ADAMTS12: variants seen among roughly 807,000 people sequenced by gnomAD.
The protein encoded by ADAMTS12 is ADAM metallopeptidase with thrombospondin type 1 motif 12.
In ADAMTS12, 118 loss-of-function variants were observed where a neutral mutation model predicts 167.8. The observed-to-expected ratio is 0.70, with a 90% confidence interval of 0.61 to 0.82. The LOEUF is 0.82. ADAMTS12 is among the 40% of genes least tolerant of loss of function. The pLI, the probability that ADAMTS12 is intolerant of heterozygous loss-of-function variation, is 0.00. For synonymous variants in ADAMTS12, 704 were observed against 716.9 expected (o/e 0.98, Z 0.29); for missense variants, 1,916 against 1,998.8 (o/e 0.96, Z 0.79).
intron 3 of ADAMTS12, among the ~76,000 whole-genome samples, chr5:33,713,267 A>G (rs1273399415): frequency 6.6e-6 from 1 of 152,216 alleles, no homozygotes; most frequent in Admixed American, 6.5e-5. Context: ...AGATATGCCC[A>G]GTCAGCAATA....
rs768917930 is a variant in ADAMTS12 at position 33,751,466 on chromosome 5, G to A, written c.572C>T (p.Pro191Leu). The change falls in exon 3 of 24, where the codon CCG (proline) becomes CTG (leucine). Residue 191 changes from proline (P) to leucine (L), a missense_variant. Transcript: ENST00000504830. ...KHPLVEGGYH[P>L]HIVYRRQKVP... is the part of the protein sequence containing the mutation. ...TTTCTGCCTCCTGTAAACGATGTGCGGGTGGTACCCTCCCTCAACCAGTGG... is the reference window on the plus strand; with the variant it reads ...TTTCTGCCTCCTGTAAACGATGTGCAGGTGGTACCCTCCCTCAACCAGTGG... 22 of 1,613,960 alleles carry A rather than the reference G, an allele frequency of 1.4e-5. No individual in the cohort carries two copies. The highest frequency in any genetic ancestry group is 1.7e-5 in the Non-Finnish European group (20 of 1,180,002).
chr5:33,717,510 C>T (rs967545692), intron 3 of ADAMTS12, among the ~76,000 whole-genome samples: 1 of 152,118 alleles, frequency 6.6e-6, no homozygotes, highest in Non-Finnish European at 1.5e-5. Context: ...AAGTTAGTTT[C>T]TGGATACCAT....
intron 2 of ADAMTS12, among the ~76,000 whole-genome samples, chr5:33,761,369 G>A (rs1224329861): frequency 6.6e-6 from 1 of 152,206 alleles, no homozygotes; most frequent in African/African-American, 2.4e-5. Context: ...TTACTGTGAA[G>A]GCCTCACACA....
chr5:33,804,268 T>A (rs1747133628), intron 2 of ADAMTS12, among the ~76,000 whole-genome samples: 1 of 152,214 alleles, frequency 6.6e-6, no homozygotes, highest in Non-Finnish European at 1.5e-5. Context: ...TTTGGGCTCA[T>A]CTATGTGACT....
At position 33,834,619 on chromosome 5, in the gene ADAMTS12, G is replaced by A. The variant is rs574391269; in HGVS notation, c.489+46500C>T. ...CCTTCTCTATGAATCCCCACTGGAG[G>A]AGTCAGAAGGACAAAGCCATCCTCC... On this transcript the variant is annotated intron_variant, in intron 2 of 23. Transcript: ENST00000504830. Among the ~76,000 whole-genome samples, 3 of 152,214 alleles carry A rather than the reference G, an allele frequency of 2.0e-5. No individual in the cohort carries two copies. The East Asian group carries it at 5.8e-4, about 29-fold the overall frequency.
intron 23 of ADAMTS12, among the ~76,000 whole-genome samples, chr5:33,532,605 C>T (rs925680150): frequency 3.3e-5 from 5 of 151,566 alleles, no homozygotes; most frequent in Non-Finnish European, 7.4e-5. Flanking sequence ...GAATGTAATG[C>T]TGAGAATAAA....
intron 2 of ADAMTS12, among the ~76,000 whole-genome samples, chr5:33,878,645 G>A (rs1750316135): frequency 6.6e-6 from 1 of 152,166 alleles, no homozygotes; most frequent in African/African-American, 2.4e-5. Context: ...ATCACCTGGG[G>A]AGATCTGGTA....
intron 1 of ADAMTS12, among the ~76,000 whole-genome samples, chr5:33,891,110 C>T (rs890423443): frequency 6.6e-6 from 1 of 152,178 alleles, no homozygotes; most frequent in Non-Finnish European, 1.5e-5. Flanking sequence ...CCTACAATAA[C>T]ATGAGTTCAG....
rs73758598 is a variant in ADAMTS12 at position 33,566,941 on chromosome 5, G to A, written c.3973-5762C>T. On this transcript the variant is annotated intron_variant, in intron 19 of 23. Coordinates refer to ENST00000504830, the MANE Select transcript of ADAMTS12 (RefSeq NM_030955.4). ...GTGACCCCAGGGCAAATTTGATGATGGGAAGATGGTAGAGCCATTGTTAGC... is the reference window on the plus strand; with the variant it reads ...GTGACCCCAGGGCAAATTTGATGATAGGAAGATGGTAGAGCCATTGTTAGC... Among the ~76,000 whole-genome samples the A allele has an allele frequency of 5.9e-3, 897 of 152,234 alleles. 7 individuals are homozygous for A. Among genetic ancestry groups the A allele is most frequent in the African/African-American group, 0.021 (881 of 41,536 alleles).
intron 2 of ADAMTS12, among the ~76,000 whole-genome samples, chr5:33,766,936 G>A (rs1358811567): frequency 2.0e-5 from 3 of 152,062 alleles, no homozygotes; most frequent in Non-Finnish European, 4.4e-5. Context: ...CACTCCATCT[G>A]TAAAATCTCT....
intron 2 of ADAMTS12, among the ~76,000 whole-genome samples, chr5:33,785,201 G>A (rs1579933652): frequency 2.0e-5 from 3 of 151,762 alleles, no homozygotes; most frequent in African/African-American, 4.8e-5. Flanking sequence ...AAATATAAGG[G>A]CTGAAACTAT....
chr5:33,688,761 C>T (rs1357300382), intron 3 of ADAMTS12, among the ~76,000 whole-genome samples: 2 of 152,190 alleles, frequency 1.3e-5, no homozygotes, highest in Non-Finnish European at 2.9e-5. Flanking sequence ...AGCAATGAGG[C>T]TGCTTATTCT....
chr5:33,552,612 T>C (rs1187594415), intron 20 of ADAMTS12, among the ~76,000 whole-genome samples: 2 of 152,216 alleles, frequency 1.3e-5, no homozygotes, highest in African/African-American at 4.8e-5. Flanking sequence ...ATGGAAAGAA[T>C]TCCTTTCTGG....
At chr5:33,788,278 TC>T (rs1746403604) in intron 2 of ADAMTS12, among the ~76,000 whole-genome samples, 2 of 151,978 alleles carry the variant, frequency 1.3e-5, no homozygotes, top group African/African-American at 4.8e-5. Context: ...CAGTCTTTTT[TC>T]TCTCTCTCTT....
chr5:33,839,322 C>T (rs1748654315), intron 2 of ADAMTS12, among the ~76,000 whole-genome samples: 2 of 152,212 alleles, frequency 1.3e-5, no homozygotes, highest in African/African-American at 4.8e-5. Flanking sequence ...TTTTATCCCA[C>T]ATTTCAAGTG....
At chr5:33,572,350 T>C (rs1248992299) in intron 19 of ADAMTS12, among the ~76,000 whole-genome samples, 53 of 152,104 alleles carry the variant, frequency 3.5e-4, no homozygotes, top group Non-Finnish European at 1.3e-4. Flanking sequence ...AAATCCTCAA[T>C]AAAATACTGG....
intron 3 of ADAMTS12, among the ~76,000 whole-genome samples, chr5:33,689,804 C>G (rs900646158): frequency 6.6e-6 from 1 of 152,214 alleles, no homozygotes; most frequent in African/African-American, 2.4e-5. Flanking sequence ...AATGAAGAAA[C>G]TGAATTGAAT....
intron 10 of ADAMTS12, 142 bp from the exon 11 acceptor site, chr5:33,642,097 G>T: frequency 1.2e-6 from 1 of 810,500 alleles, no homozygotes. Flanking sequence ...AACAAACAGG[G>T]GCTCATATAA....
intron 3 of ADAMTS12, among the ~76,000 whole-genome samples, chr5:33,735,696 C>T (rs1047532846): frequency 6.6e-6 from 1 of 152,062 alleles, no homozygotes; most frequent in East Asian, 1.9e-4. Flanking sequence ...ATGGCCTAAT[C>T]GGGGAAGTAC....
Sources: allele counts gnomAD v4.1 joint callset (sites outside exome capture counted in the v4.1 genomes callset), GRCh38; gene constraint gnomAD v4.1.1; transcripts MANE v1.5; gene names NCBI Gene and HGNC (gene_info 2026-07-23, HGNC 2026-07-21).